Variants in FAM199X observed in about 807,000 individuals in gnomAD.
FAM199X encodes the protein protein FAM199X.
In FAM199X, 4 loss-of-function variants were observed where a neutral mutation model predicts 22.9. The ratio of observed to expected loss-of-function variants is 0.17; its 90% CI spans 0.09 to 0.40. The LOEUF (loss-of-function observed/expected upper bound fraction) is 0.40. Among genes scored for constraint, FAM199X ranks in the 10% least tolerant of loss-of-function variants. The probability of loss-of-function intolerance (pLI) is 1.00; values close to 1 mark genes in which losing one functional copy is unlikely to be tolerated. For synonymous variants in FAM199X, 101 were observed against 112.3 expected (o/e 0.90, Z 0.64); for missense variants, 183 against 306.8 (o/e 0.60, Z 3.01).
In FAM199X at chrX:104,195,435, G is replaced by C. The variant is rs1874005194; in HGVS notation, c.*5657G>C. On this transcript the variant is annotated 3_prime_UTR_variant, in exon 6 of 6. Coordinates refer to ENST00000493442, the MANE Select transcript of FAM199X (RefSeq NM_207318.4). ...CTTATTTTTTTTTCTGGACAGATCA[G>C]ATTTCTAGAGAGAGCAGATTTCTAG... The C allele has an allele frequency of 9.0e-6, 1 of 111,464 alleles. No homozygotes were observed. Among genetic ancestry groups the C allele is most frequent in the South Asian group, 3.8e-4 (1 of 2,666 alleles). The allele number at this position is 111,464 out of a possible 1,213,427, so 9.2% of individuals were successfully genotyped here.
rs12690158 is a variant in FAM199X, at chrX:104,179,415, T to G, written c.417+3573T>G. Among the ~76,000 whole-genome samples, 3 of 112,182 alleles carry G rather than the reference T, an allele frequency of 2.7e-5. No individual in the cohort carries two copies. The South Asian group carries it at 1.1e-3, about 41-fold the overall frequency. ...TTTGGTGCTGTTATAAATAGTATTG[T>G]TTTCTTAATTTTATTTTCAGATTGT... is the stretch of plus-strand genomic sequence containing the variant. On this transcript the variant is annotated intron_variant, in intron 2 of 5. Transcript: ENST00000493442.
chrX:104,174,919 A>C (rs1921452124), intron 1 of FAM199X, among the ~76,000 whole-genome samples: 2 of 112,065 alleles, frequency 1.8e-5, no homozygotes, highest in African/African-American at 6.5e-5. Flanking sequence ...AATATGAAAA[A>C]GTTACTTAAA....
At chrX:104,163,095 TACACACACACACACAC>T (rs35140355), upstream of FAM199X, among the ~76,000 whole-genome samples, 405 of 95,259 alleles carry the variant, frequency 4.3e-3, 3 homozygotes, top group African/African-American at 0.011. Context: ...CTCAGCTAAA[TACACACACACACACAC>T]ACACACACAC....
rs782562255 is a variant in FAM199X at position 104,193,324 on chromosome X, A to G, written c.*3546A>G. 2.7e-5 allele frequency: 3 copies of G among 111,944 alleles called. No individual in the cohort carries two copies. Among genetic ancestry groups the G allele is most frequent in the Non-Finnish European group, 5.7e-5 (3 of 52,994 alleles). The allele number at this position is 111,944 out of a possible 1,213,427, so 9.2% of individuals were successfully genotyped here. On this transcript the variant is annotated 3_prime_UTR_variant, in exon 6 of 6. Coordinates refer to ENST00000493442, the MANE Select transcript of FAM199X (RefSeq NM_207318.4). The stretch of plus-strand genomic sequence containing the variant: ...AAGAGCCTTGAAAGTTATCTAAAGT[A>G]TGGCTTAATGTATTTTTTTCCCTCT...
At chrX:104,184,425 C>T (rs1651697170) in intron 2 of FAM199X, among the ~76,000 whole-genome samples, 1 of 111,842 alleles carries the variant, frequency 8.9e-6, no homozygotes, top group South Asian at 3.7e-4. Flanking sequence ...TTGTCATTTG[C>T]TCCTTGTAGA....
upstream of FAM199X, among the ~76,000 whole-genome samples, chrX:104,162,368 G>T (rs1569465872): frequency 8.9e-6 from 1 of 111,833 alleles, no homozygotes; most frequent in Non-Finnish European, 1.9e-5. Flanking sequence ...GCTCTTTGAG[G>T]TTCACATTTG....
intron 2 of FAM199X, among the ~76,000 whole-genome samples, chrX:104,184,431 G>A (rs1357228854): frequency 8.9e-6 from 1 of 111,885 alleles, no homozygotes; most frequent in Non-Finnish European, 1.9e-5. Context: ...TTTGCTCCTT[G>A]TAGAAGAAAA....
rs782756155 is a variant in FAM199X, at chrX:104,190,685, T to C, written c.*907T>C. On this transcript the variant is annotated 3_prime_UTR_variant, in exon 6 of 6. Coordinates refer to ENST00000493442, the MANE Select transcript of FAM199X (RefSeq NM_207318.4). ...AGTCTATATCTCTCTCAAGTTCTTA[T>C]TGTAGGTCATTTTTTTTTCAGCACA... The C allele has an allele frequency of 1.8e-5, 2 of 111,592 alleles. No individual in the cohort carries two copies. Among genetic ancestry groups the C allele is most frequent in the South Asian group, 3.7e-4 (1 of 2,689 alleles). The allele number at this position is 111,592 out of a possible 1,213,427, so 9.2% of individuals were successfully genotyped here. A position where few individuals can be genotyped will look rare whatever the true frequency, so the allele number is the denominator to read the frequency against.
At position 104,193,773 on chromosome X, in the gene FAM199X, G is replaced by T. The variant is rs1921995182; in HGVS notation, c.*3995G>T. 1 of 111,585 alleles carries T rather than the reference G, an allele frequency of 9.0e-6. No homozygotes were observed. Among genetic ancestry groups the T allele is most frequent in the African/African-American group, 3.2e-5 (1 of 30,800 alleles). The allele number at this position is 111,585 out of a possible 1,213,427, so 9.2% of individuals were successfully genotyped here. ...TATACATATGTACTGTGGTAACTTT[G>T]GATTCATTTTAAGTCTGATAAAGTA... On this transcript the variant is annotated 3_prime_UTR_variant, in exon 6 of 6. Transcript: ENST00000493442.
chrX:104,178,990 CGTG>C (rs1921569452), intron 2 of FAM199X, among the ~76,000 whole-genome samples: 1 of 111,288 alleles, frequency 9.0e-6, no homozygotes, highest in Non-Finnish European at 1.9e-5. Context: ...ATTTACCAGG[CGTG>C]GTGGTGTGCA....
In FAM199X at chrX:104,195,301, T is replaced by C. The variant is rs1922031781; in HGVS notation, c.*5523T>C. ...TCCTTTCATGCTCTATCCCAGAATA[T>C]TTACCAACAGAGGAGAACTGCTCCC... On this transcript the variant is annotated 3_prime_UTR_variant, in exon 6 of 6. Coordinates refer to ENST00000493442, the MANE Select transcript of FAM199X (RefSeq NM_207318.4). 9.0e-6 allele frequency: 1 copy of C among 111,688 alleles called. No homozygotes were observed. The highest frequency in any genetic ancestry group is 3.7e-4 in the South Asian group (1 of 2,678). The allele number at this position is 111,688 out of a possible 1,213,427, so 9.2% of individuals were successfully genotyped here. A position where few individuals can be genotyped will look rare whatever the true frequency, so the allele number is the denominator to read the frequency against.
chrX:104,177,704 G>A (rs1022348033), intron 2 of FAM199X, among the ~76,000 whole-genome samples: 2 of 111,886 alleles, frequency 1.8e-5, no homozygotes, highest in Non-Finnish European at 3.8e-5. Context: ...ATCTTTTCAT[G>A]TGCTTATTGG....
upstream of FAM199X, among the ~76,000 whole-genome samples, chrX:104,165,968 G>A (rs1214229890): frequency 1.4e-4 from 16 of 111,797 alleles, no homozygotes; most frequent in Non-Finnish European, 2.8e-4. Context: ...GACGTGTCCA[G>A]CAGCTCTGAG....
intron 1 of FAM199X, among the ~76,000 whole-genome samples, chrX:104,171,108 C>A (rs782192081): frequency 9.0e-6 from 1 of 111,327 alleles, no homozygotes; most frequent in Non-Finnish European, 1.9e-5. Flanking sequence ...GTCAGGCCCA[C>A]CTGAGAGAAA....
chrX:104,175,143 A>C (rs1252632830), intron 1 of FAM199X, among the ~76,000 whole-genome samples: 1 of 112,426 alleles, frequency 8.9e-6, no homozygotes, highest in Non-Finnish European at 1.9e-5. Flanking sequence ...ATTTGCTTAA[A>C]ATCAATTAGC....
intron 1 of FAM199X, among the ~76,000 whole-genome samples, 173 bp downstream of exon 1, chrX:104,167,155 C>G (rs1467191359): frequency 9.7e-6 from 1 of 102,789 alleles, no homozygotes; most frequent in Non-Finnish European, 2.0e-5. Context: ...CCCTGCCCTC[C>G]TATTTTCCTT....
At chrX:104,164,911 G>C (rs1921123626), upstream of FAM199X, among the ~76,000 whole-genome samples, 1 of 111,562 alleles carries the variant, frequency 9.0e-6, no homozygotes, top group Non-Finnish European at 1.9e-5. Flanking sequence ...AAATAAAATA[G>C]ACTATTTCGT....
chrX:104,190,675 C>G lies in FAM199X; in HGVS notation c.*897C>G, dbSNP rs1390549203. 9.0e-6 allele frequency: 1 copy of G among 111,227 alleles called. No individual in the cohort carries two copies. Among genetic ancestry groups the G allele is most frequent in the Non-Finnish European group, 1.9e-5 (1 of 53,038 alleles). The allele number at this position is 111,227 out of a possible 1,213,427, so 9.2% of individuals were successfully genotyped here. A position where few individuals can be genotyped will look rare whatever the true frequency, so the allele number is the denominator to read the frequency against. On this transcript the variant is annotated 3_prime_UTR_variant, in exon 6 of 6. Transcript: ENST00000493442. ...GCAGGAAGTCAGTCTATATCTCTCTCAAGTTCTTATTGTAGGTCATTTTTT... is the reference window on the plus strand; with the variant it reads ...GCAGGAAGTCAGTCTATATCTCTCTGAAGTTCTTATTGTAGGTCATTTTTT...
In FAM199X at chrX:104,178,477, C is replaced by G. The variant is rs782624209; in HGVS notation, c.417+2635C>G. On this transcript the variant is annotated intron_variant, in intron 2 of 5. Coordinates refer to ENST00000493442, the MANE Select transcript of FAM199X (RefSeq NM_207318.4). Reference sequence around the variant, plus strand: ...CTTTCCTTTTTTAAGAACAGAGTCTCACTATGTTGTCCATGCTGGTCTCGA... The same window carrying G: ...CTTTCCTTTTTTAAGAACAGAGTCTGACTATGTTGTCCATGCTGGTCTCGA... 1.6e-3 allele frequency among the ~76,000 whole-genome samples: 174 copies of G among 111,426 alleles called. 1 individual carries two copies. Among genetic ancestry groups the G allele is most frequent in the Non-Finnish European group, 1.8e-3 (96 of 53,082 alleles).
Sources: allele counts gnomAD v4.1 joint callset (sites outside exome capture counted in the v4.1 genomes callset), GRCh38; gene constraint gnomAD v4.1.1; transcripts MANE v1.5; gene names NCBI Gene and HGNC (gene_info 2026-07-23, HGNC 2026-07-21).